SNRK: variants seen among roughly 807,000 people sequenced by gnomAD.
The protein encoded by SNRK is SNF related kinase, also known as SNF-related serine/threonine-protein kinase.
SNRK carries 3 observed loss-of-function variants against 48.2 expected under a neutral mutation model. The observed-to-expected ratio is 0.06, with a 90% CI of 0.03 to 0.16. The LOEUF (loss-of-function observed/expected upper bound fraction) is 0.16, where lower values mean the gene tolerates loss of function less well. Ranked by LOEUF, SNRK falls within the 10% of genes least tolerant of loss-of-function variation. The pLI, the probability that SNRK is intolerant of heterozygous loss-of-function variation, is 1.00. For missense variants in SNRK, 627 were observed against 976.0 expected (o/e 0.64, Z 4.76); for synonymous variants, 376 against 366.1 (o/e 1.03, Z -0.31).
In SNRK at chr3:43,348,605, A is replaced by G. The variant is rs2091298584; in HGVS notation, c.*48A>G. On this transcript the variant is annotated 3_prime_UTR_variant, in exon 7 of 7. Transcript: ENST00000296088. ...GCACGCTTCCTGCTCAGAGCAGTGA[A>G]GACCGGCTCACTTCACTGTTCCATT... is the stretch of plus-strand genomic sequence containing the variant. 2 of 1,467,910 alleles carry G rather than the reference A, an allele frequency of 1.4e-6. No homozygotes were observed. Among genetic ancestry groups the G allele is most frequent in the Non-Finnish European group, 1.8e-6 (2 of 1,113,918 alleles). The allele number at this position is 1,467,910 out of a possible 1,614,324, so 90.9% of individuals were successfully genotyped here. A position where few individuals can be genotyped will look rare whatever the true frequency, so the allele number is the denominator to read the frequency against.
At chr3:43,343,129 C>A in intron 5 of SNRK, 2 of 513,936 alleles carry the variant, frequency 3.9e-6, no homozygotes, top group Non-Finnish European at 6.3e-6. Context: ...GAAAAATCTT[C>A]ATAAAAATAT....
intron 1 of SNRK, among the ~76,000 whole-genome samples, chr3:43,295,723 A>G (rs1559458350): frequency 6.6e-6 from 1 of 152,246 alleles, no homozygotes; most frequent in East Asian, 1.9e-4. Context: ...GCTGTCCTTA[A>G]AAAGTGAAAT....
chr3:43,337,935 CA>C (rs1272158049), intron 4 of SNRK, among the ~76,000 whole-genome samples: 1 of 151,916 alleles, frequency 6.6e-6, no homozygotes, highest in Non-Finnish European at 1.5e-5. Flanking sequence ...CTAATCATAT[CA>C]GACAATGTCT....
intron 1 of SNRK, among the ~76,000 whole-genome samples, chr3:43,299,269 C>T (rs975869281): frequency 1.3e-5 from 2 of 152,198 alleles, no homozygotes; most frequent in African/African-American, 4.8e-5. Flanking sequence ...CCTCCGCCTC[C>T]TGGGTTCAAG....
chr3:43,332,888 A>G (rs557377670), intron 4 of SNRK: 1 of 152,246 alleles, frequency 6.6e-6, no homozygotes, highest in Non-Finnish European at 1.5e-5. Flanking sequence ...ACATAGTACT[A>G]TGATATGTGT....
intron 3 of SNRK, among the ~76,000 whole-genome samples, chr3:43,313,165 T>C (rs1388478347): frequency 6.6e-6 from 1 of 152,046 alleles, no homozygotes; most frequent in African/African-American, 2.4e-5. Context: ...CAGTTTCTTA[T>C]AAAAGTAAAT....
At position 43,322,951 on chromosome 3, in the gene SNRK, C is replaced by CAAAAAAAAAAAAAAAAAAAAAAA. The variant is rs55847039; in HGVS notation, c.590-9203_590-9202insAAAAAAAAAAAAAAAAAAAAAAA. Among the ~76,000 whole-genome samples, 242 of 72,596 alleles carry CAAAAAAAAAAAAAAAAAAAAAAA rather than the reference C, an allele frequency of 3.3e-3. 29 individuals are homozygous for CAAAAAAAAAAAAAAAAAAAAAAA. Among genetic ancestry groups the CAAAAAAAAAAAAAAAAAAAAAAA allele is most frequent in the African/African-American group, 9.9e-3 (166 of 16,740 alleles). 47.6% of individuals were successfully genotyped at this position (72,596 alleles called of 152,430 possible). ...TGCGCGACAGAGTAAGACTCCGTCTCAAAAAAAAAAAAAAAGACTGTATTG... is the reference window on the plus strand; with the variant it reads ...TGCGCGACAGAGTAAGACTCCGTCTCAAAAAAAAAAAAAAAAAAAAAAAAAAAAAAAAAAAAAAGACTGTATTG... On this transcript the variant is annotated intron_variant, in intron 3 of 6. Transcript: ENST00000296088.
intron 3 of SNRK, among the ~76,000 whole-genome samples, chr3:43,305,649 A>C (rs993801672): frequency 4.0e-5 from 6 of 151,552 alleles, no homozygotes; most frequent in Non-Finnish European, 8.8e-5. Context: ...ACGCCTAGCT[A>C]ATTTTTTTTT....
chr3:43,341,213 C>G (rs1324007281), intron 5 of SNRK, among the ~76,000 whole-genome samples: 2 of 151,774 alleles, frequency 1.3e-5, no homozygotes, highest in Admixed American at 1.3e-4. Context: ...TGCAGTGGCA[C>G]AATCTTGGCT....
intron 3 of SNRK, among the ~76,000 whole-genome samples, chr3:43,307,244 ATACCTT>A (rs1460863455): frequency 6.6e-6 from 1 of 152,212 alleles, no homozygotes; most frequent in Non-Finnish European, 1.5e-5. Flanking sequence ...ATGATGAGTT[ATACCTT>A]TTATCAATAC....
At chr3:43,318,120 G>A (rs893288725) in intron 3 of SNRK, among the ~76,000 whole-genome samples, 13 of 152,200 alleles carry the variant, frequency 8.5e-5, no homozygotes, top group Admixed American at 4.6e-4. Flanking sequence ...TTCTCAATGT[G>A]GGAGGAAGAG....
At chr3:43,324,032 G>A (rs1399259658) in intron 3 of SNRK, among the ~76,000 whole-genome samples, 1 of 152,260 alleles carries the variant, frequency 6.6e-6, no homozygotes, top group East Asian at 1.9e-4. Context: ...AGAACTTGGA[G>A]AAATGCACCC....
At chr3:43,325,391 T>C (rs982730417) in intron 3 of SNRK, among the ~76,000 whole-genome samples, 7 of 152,252 alleles carry the variant, frequency 4.6e-5, no homozygotes, top group African/African-American at 1.4e-4. Flanking sequence ...GGTCTCGATC[T>C]CCTGACCTCG....
chr3:43,293,551 A>G (rs546756789), intron 1 of SNRK, among the ~76,000 whole-genome samples: 22 of 152,292 alleles, frequency 1.4e-4, no homozygotes, highest in African/African-American at 4.6e-4. Flanking sequence ...AATATCCTGT[A>G]ATCTTACTAA....
At chr3:43,345,239 T>G (rs982805275) in intron 6 of SNRK, among the ~76,000 whole-genome samples, 28 of 152,250 alleles carry the variant, frequency 1.8e-4, no homozygotes, top group African/African-American at 6.3e-4. Context: ...GTCTCCTGAC[T>G]TGCCTTCTCT....
At chr3:43,321,487 C>T (rs1369133851) in intron 3 of SNRK, among the ~76,000 whole-genome samples, 1 of 152,144 alleles carries the variant, frequency 6.6e-6, no homozygotes, top group African/African-American at 2.4e-5. Flanking sequence ...GTCCTAAGTG[C>T]ATGTACAAAG....
Position 43,299,381 on chromosome 3 carries a change from T to C in SNRK, c.-168-373T>C, listed in dbSNP as rs538468373. Among the ~76,000 whole-genome samples, 14 of 152,286 alleles carry C rather than the reference T, an allele frequency of 9.2e-5. No homozygotes were observed. The South Asian group carries it at 2.9e-3, about 32-fold the overall frequency. On this transcript the variant is annotated intron_variant, in intron 1 of 6. Coordinates refer to ENST00000296088, the MANE Select transcript of SNRK (RefSeq NM_017719.5). ...TTAGTAGAGACGGGGTTTCACCATA[T>C]TGGTCAGGCAAGTCTTGAGCTCCTG...
At chr3:43,293,159 C>A (rs1358344329) in intron 1 of SNRK, among the ~76,000 whole-genome samples, 1 of 151,998 alleles carries the variant, frequency 6.6e-6, no homozygotes, top group Non-Finnish European at 1.5e-5. Flanking sequence ...GGATGGAGTG[C>A]AGTGGCTGAT....
At chr3:43,307,530 A>G (rs1432446067) in intron 3 of SNRK, among the ~76,000 whole-genome samples, 1 of 152,132 alleles carries the variant, frequency 6.6e-6, no homozygotes, top group East Asian at 1.9e-4. Flanking sequence ...AAACTTTGTC[A>G]TTATTTATTT....
Sources: allele counts gnomAD v4.1 joint callset (sites outside exome capture counted in the v4.1 genomes callset), GRCh38; gene constraint gnomAD v4.1.1; transcripts MANE v1.5; gene names NCBI Gene and HGNC (gene_info 2026-07-23, HGNC 2026-07-21).